Variants in GRIK3 observed in about 807,000 individuals in gnomAD.
GRIK3 encodes glutamate receptor ionotropic, kainate 3.
Under a neutral mutation model 102.5 loss-of-function variants are expected in GRIK3, and 29 were observed. The observed-to-expected ratio is 0.28, with a 90% CI of 0.21 to 0.39. The LOEUF (loss-of-function observed/expected upper bound fraction) is 0.39. Ranked by LOEUF, GRIK3 falls within the 10% of genes least tolerant of loss-of-function variation. The probability of loss-of-function intolerance (pLI) is 1.00; values close to 1 mark genes in which losing one functional copy is unlikely to be tolerated. For missense variants in GRIK3, 908 were observed against 1,252.4 expected (o/e 0.73, Z 4.15); for synonymous variants, 511 against 504.9 (o/e 1.01, Z -0.16).
chr1:36,850,059 C>G lies in GRIK3; in HGVS notation c.1326+252G>C. On this transcript the variant is annotated intron_variant, in intron 9 of 15. Transcript: ENST00000373091. The surrounding 1 kb of genome is among the most constrained non-coding windows in gnomAD (Gnocchi z 4.0). Reference sequence around the variant, plus strand: ...CTTAATTCCACCATCCAGCATGGTTCCTACTCAGACATCAAGGACTTGGGG... The same window carrying G: ...CTTAATTCCACCATCCAGCATGGTTGCTACTCAGACATCAAGGACTTGGGG... 1 of 481,544 alleles carries G rather than the reference C, an allele frequency of 2.1e-6. No individual in the cohort carries two copies. Among genetic ancestry groups the G allele is most frequent in the East Asian group, 3.7e-5 (1 of 27,132 alleles). 29.8% of individuals were successfully genotyped at this position (481,544 alleles called of 1,614,324 possible). A position where few individuals can be genotyped will look rare whatever the true frequency, so the allele number is the denominator to read the frequency against.
chr1:36,832,558 A>T (rs1640318508), intron 10 of GRIK3, among the ~76,000 whole-genome samples: 1 of 152,170 alleles, frequency 6.6e-6, no homozygotes, highest in Non-Finnish European at 1.5e-5. Context: ...GTGTCAACCG[A>T]TGGGTCAACT....
At chr1:36,967,755 T>C (rs1642095588) in intron 1 of GRIK3, among the ~76,000 whole-genome samples, 1 of 152,216 alleles carries the variant, frequency 6.6e-6, no homozygotes, top group South Asian at 2.1e-4. Flanking sequence ...TTACCACCTA[T>C]AGACAGGTTA....
intron 1 of GRIK3, among the ~76,000 whole-genome samples, chr1:36,911,503 G>A (rs1444193557): frequency 1.3e-5 from 2 of 152,110 alleles, no homozygotes; most frequent in South Asian, 2.1e-4. Context: ...GGCCTTCAAC[G>A]GAGCTGTAGG....
At position 36,860,164 on chromosome 1, in the gene GRIK3, G is replaced by A. The variant is rs898502407; in HGVS notation, c.787-147C>T. 5 of 604,990 alleles carry A rather than the reference G, an allele frequency of 8.3e-6. No homozygotes were observed. The Admixed American group carries it at 9.6e-5, about 12-fold the overall frequency. 37.5% of individuals were successfully genotyped at this position (604,990 alleles called of 1,614,324 possible). The stretch of plus-strand genomic sequence containing the variant: ...CCCTGCAGAGGGGGTGCGGGATATC[G>A]GGGTAGTCACAGGAGCACCCATAGG... On this transcript the variant is annotated intron_variant, in intron 5 of 15. Transcript: ENST00000373091.
At chr1:37,007,911 C>G (rs1346447780) in intron 1 of GRIK3, among the ~76,000 whole-genome samples, 2 of 152,198 alleles carry the variant, frequency 1.3e-5, no homozygotes, top group African/African-American at 4.8e-5. Context: ...CAGGGAGCAT[C>G]ATGAGCCCAG....
At chr1:36,914,256 A>G (rs1468455984) in intron 1 of GRIK3, among the ~76,000 whole-genome samples, 1 of 152,038 alleles carries the variant, frequency 6.6e-6, no homozygotes, top group East Asian at 1.9e-4. Flanking sequence ...GAGAATGGAC[A>G]CCTCTGGCTT....
At chr1:36,803,922 T>C (rs1421454134) in intron 15 of GRIK3, among the ~76,000 whole-genome samples, 1 of 152,274 alleles carries the variant, frequency 6.6e-6, no homozygotes, top group Non-Finnish European at 1.5e-5. Context: ...CATGTCTATC[T>C]TTGACCACTT....
At chr1:37,001,951 G>A (rs900445584) in intron 1 of GRIK3, among the ~76,000 whole-genome samples, 15 of 152,166 alleles carry the variant, frequency 9.9e-5, no homozygotes, top group Non-Finnish European at 2.1e-4. Context: ...AGGAAGCTGG[G>A]GTTGTGATAC....
At chr1:36,869,604 T>G (rs1164739665) in intron 5 of GRIK3, 144 bp downstream of exon 5, 1 of 680,426 alleles carries the variant, frequency 1.5e-6, no homozygotes, top group Non-Finnish European at 2.7e-6. Context: ...CAAAGACATA[T>G]TTGTGCCCTT....
chr1:37,021,838 A>G (rs1284162369), intron 1 of GRIK3, among the ~76,000 whole-genome samples: 1 of 152,210 alleles, frequency 6.6e-6, no homozygotes, highest in Admixed American at 6.5e-5. Flanking sequence ...TAGACAGATC[A>G]GCCCAGTCAG....
At chr1:36,852,682 C>T (rs61038279) in intron 8 of GRIK3, among the ~76,000 whole-genome samples, 6,169 of 152,160 alleles carry the variant, frequency 0.041, 411 homozygotes, top group African/African-American at 0.14. Context: ...TGGAGAGGAC[C>T]GAAATCAGAG....
chr1:36,929,308 G>C (rs990589975), intron 1 of GRIK3, among the ~76,000 whole-genome samples: 5 of 152,118 alleles, frequency 3.3e-5, no homozygotes, highest in African/African-American at 4.8e-5. Flanking sequence ...CAGCAGAGAG[G>C]CATCTGTGAA....
intron 13 of GRIK3, among the ~76,000 whole-genome samples, chr1:36,809,360 CATCT>C (rs1157980331): frequency 3.3e-5 from 5 of 152,082 alleles, no homozygotes; most frequent in East Asian, 1.9e-4. Flanking sequence ...TCTATCCAAC[CATCT>C]ATCTATCCAT....
intron 10 of GRIK3, 38 bp from the exon 11 acceptor site, chr1:36,825,864 A>G: frequency 7.0e-7 from 1 of 1,427,456 alleles, no homozygotes; most frequent in Non-Finnish European, 9.7e-7. Context: ...GACTATGAGC[A>G]AAGTCTCAGA....
At chr1:36,958,891 AGTCTGT>A (rs1641961187) in intron 1 of GRIK3, among the ~76,000 whole-genome samples, 1 of 111,132 alleles carries the variant, frequency 9.0e-6, no homozygotes, top group Admixed American at 9.2e-5. Context: ...GTGCCCTGTG[AGTCTGT>A]GCCTTGTGAC....
Position 36,869,743 on chromosome 1 carries a change from A to G in GRIK3, c.786+5T>C, listed in dbSNP as rs753380497. 11 of 1,605,068 alleles carry G rather than the reference A, an allele frequency of 6.9e-6. No individual in the cohort carries two copies. The highest frequency in any genetic ancestry group is 2.2e-5 in the South Asian group (2 of 90,922). On this transcript the variant is annotated splice_donor_5th_base_variant and intron_variant, in intron 5 of 15. Coordinates refer to ENST00000373091, the MANE Select transcript of GRIK3 (RefSeq NM_000831.4). ...TTCCCGTGCCAGGACCCAGAGGTAC[A>G]TTACCAGAGTGGTGAAGATGAAGTG...
At chr1:37,025,674 A>G (rs1404393722) in intron 1 of GRIK3, among the ~76,000 whole-genome samples, 1 of 152,180 alleles carries the variant, frequency 6.6e-6, no homozygotes, top group Non-Finnish European at 1.5e-5. Flanking sequence ...TCCCATATTT[A>G]AAGAGCTCAT....
chr1:36,801,961 T>G lies in GRIK3; in HGVS notation c.2650A>C (p.Met884Leu), dbSNP rs777297903. ...RRVKHKPQPP[M>L]MVKTDAVINM... ...ATGACGGCGTCAGTCTTGACCATCATGGGAGGCTGAGGCTTGTGCTTGACT... is the reference window on the plus strand; with the variant it reads ...ATGACGGCGTCAGTCTTGACCATCAGGGGAGGCTGAGGCTTGTGCTTGACT... The change falls in exon 16 of 16, where the codon ATG (methionine) becomes CTG (leucine). Residue 884 changes from methionine to leucine, a missense_variant. By Grantham distance (15) the Met-to-Leu change is conservative. Around this residue, in one of 3 missense-constraint regions of GRIK3, gnomAD observed 297 missense variants for 362.7 expected, o/e 0.82. Transcript: ENST00000373091. The G allele has an allele frequency of 2.5e-6, 4 of 1,613,940 alleles. No homozygotes were observed. The highest frequency in any genetic ancestry group is 3.4e-6 in the Non-Finnish European group (4 of 1,179,948).
intron 1 of GRIK3, among the ~76,000 whole-genome samples, chr1:37,029,009 ATTG>A (rs1257950743): frequency 1.3e-5 from 2 of 152,220 alleles, no homozygotes; most frequent in Non-Finnish European, 2.9e-5. Flanking sequence ...GGCTGTTGTC[ATTG>A]TTGTTTCATT....
Sources: gnomAD v4.1 joint callset for allele counts (sites outside exome capture counted in the v4.1 genomes callset) on GRCh38, gnomAD v4.1.1 for gene constraint, gnomAD v4.1.1 regional missense constraint, Gnocchi (gnomAD v3.1) non-coding constraint, MANE v1.5 for transcripts, NCBI Gene and HGNC (gene_info 2026-07-23, HGNC 2026-07-21) for gene names.